RERE: variants seen among roughly 807,000 people sequenced by gnomAD.
RERE encodes arginine-glutamic acid dipeptide repeats.
In RERE, 40 loss-of-function variants were observed where a neutral mutation model predicts 146.1. The ratio of observed to expected loss-of-function variants is 0.27; its 90% confidence interval spans 0.21 to 0.36. RERE has a LOEUF of 0.36. Among genes scored for constraint, RERE ranks in the 10% least tolerant of loss-of-function variants. The pLI is 1.00. For synonymous variants in RERE, 1,003 were observed against 866.0 expected, an observed-to-expected ratio of 1.16 and a Z score of -2.78; for missense variants, 1,933 against 2,138.7, an observed-to-expected ratio of 0.90 and a Z score of 1.90.
At chr1:8,611,122 GA>G (rs1410393620) in intron 4 of RERE, among the ~76,000 whole-genome samples, 3 of 152,104 alleles carry the variant, frequency 2.0e-5, no homozygotes, top group Non-Finnish European at 4.4e-5. Context: ...TTGAACCCGG[GA>G]GGCGGAGGTT....
chr1:8,476,179 T>C (rs1191296407), intron 10 of RERE, among the ~76,000 whole-genome samples: 1 of 152,218 alleles, frequency 6.6e-6, no homozygotes, highest in African/African-American at 2.4e-5. Flanking sequence ...TAGGTCTTTA[T>C]GATTTCATCA....
intron 16 of RERE, among the ~76,000 whole-genome samples, chr1:8,362,296 C>T (rs1641609609): frequency 6.6e-6 from 1 of 152,190 alleles, no homozygotes; most frequent in African/African-American, 2.4e-5. Context: ...TGGTCACATG[C>T]AAACCATGTG....
At chr1:8,403,391 C>CT (rs201905934) in intron 12 of RERE, among the ~76,000 whole-genome samples, 2 of 150,026 alleles carry the variant, frequency 1.3e-5, no homozygotes, top group East Asian at 3.9e-4. Flanking sequence ...ACTTGTCCTT[C>CT]TTTTTTACAA....
intron 1 of RERE, among the ~76,000 whole-genome samples, chr1:8,751,848 C>T (rs945610286): frequency 2.8e-5 from 4 of 144,796 alleles, no homozygotes; most frequent in Admixed American, 7.0e-5. Flanking sequence ...ACAACAACAA[C>T]AAAGTAAATA....
At chr1:8,563,020 C>T (rs958858067) in intron 4 of RERE, among the ~76,000 whole-genome samples, 49 of 151,880 alleles carry the variant, frequency 3.2e-4, no homozygotes, top group Non-Finnish European at 5.4e-4. Context: ...AACTGACAAG[C>T]GGTAGACTAG....
intron 12 of RERE, among the ~76,000 whole-genome samples, chr1:8,402,860 G>A (rs564149578): frequency 6.6e-6 from 1 of 152,222 alleles, no homozygotes; most frequent in South Asian, 2.1e-4. Context: ...CCTGGGGGGC[G>A]CTGGTGCTGG....
chr1:8,493,505 C>T (rs992365248), intron 10 of RERE, among the ~76,000 whole-genome samples: 1 of 152,102 alleles, frequency 6.6e-6, no homozygotes, highest in Non-Finnish European at 1.5e-5. Context: ...TAAAAATCAG[C>T]CATATCACGC....
At chr1:8,802,622 A>G (rs1231585013) in intron 1 of RERE, among the ~76,000 whole-genome samples, 1 of 152,076 alleles carries the variant, frequency 6.6e-6, no homozygotes, top group Non-Finnish European at 1.5e-5. Context: ...TCTTTCTTAA[A>G]CCACAGTATC....
intron 11 of RERE, among the ~76,000 whole-genome samples, chr1:8,442,124 C>A (rs2124004045): frequency 6.6e-6 from 1 of 152,274 alleles, no homozygotes; most frequent in South Asian, 2.1e-4. Context: ...GTGGCTCACA[C>A]CTGTAATCCC....
At chr1:8,398,030 C>A (rs966959084) in intron 12 of RERE, among the ~76,000 whole-genome samples, 6 of 151,240 alleles carry the variant, frequency 4.0e-5, no homozygotes, top group Non-Finnish European at 1.5e-5. Flanking sequence ...CAATGCAGAG[C>A]CAGAGAAAGG....
intron 4 of RERE, among the ~76,000 whole-genome samples, chr1:8,584,211 A>G (rs182000293): frequency 6.6e-6 from 1 of 152,252 alleles, no homozygotes; most frequent in African/African-American, 2.4e-5. Context: ...AAACATTTAA[A>G]AGTCAAAAGA....
chr1:8,411,084 G>C (rs1643602487), intron 12 of RERE, among the ~76,000 whole-genome samples: 1 of 152,160 alleles, frequency 6.6e-6, no homozygotes, highest in Non-Finnish European at 1.5e-5. Flanking sequence ...AACTAGAACA[G>C]AGTACTGTAC....
chr1:8,403,197 A>G (rs1643323296), intron 12 of RERE, among the ~76,000 whole-genome samples: 1 of 151,558 alleles, frequency 6.6e-6, no homozygotes, highest in South Asian at 2.1e-4. Context: ...GCGCCCGGCC[A>G]ATGATCCAGT....
At chr1:8,699,470 A>G (rs899250725) in intron 1 of RERE, among the ~76,000 whole-genome samples, 5 of 152,222 alleles carry the variant, frequency 3.3e-5, no homozygotes, top group African/African-American at 1.2e-4. Flanking sequence ...TTTATTACAA[A>G]TATTTAAGTA....
chr1:8,500,476 T>A (rs1376166379), intron 8 of RERE, among the ~76,000 whole-genome samples: 4 of 152,182 alleles, frequency 2.6e-5, no homozygotes, highest in Non-Finnish European at 4.4e-5. Flanking sequence ...CCTCCCGAGG[T>A]GCTGGGATTG....
At chr1:8,537,664 T>C (rs1215270674) in intron 7 of RERE, among the ~76,000 whole-genome samples, 1 of 152,224 alleles carries the variant, frequency 6.6e-6, no homozygotes, top group East Asian at 1.9e-4. Context: ...TACCTAATAA[T>C]AACAAAGTAA....
At position 8,789,297 on chromosome 1, in the gene RERE, A is replaced by ATAT. The variant is rs1468727127; in HGVS notation, c.-145+27862_-145+27863insATA. ...TCCTCTCTACCAAAAAAAAAAAAAAAAAAAATATATATATATATATATATA... is the reference window on the plus strand; with the variant it reads ...TCCTCTCTACCAAAAAAAAAAAAAAATATAAAAATATATATATATATATATATA... On this transcript the variant is annotated intron_variant, in intron 1 of 22. Coordinates refer to ENST00000400908, the MANE Select transcript of RERE (RefSeq NM_001042681.2). Among the ~76,000 whole-genome samples the ATAT allele has an allele frequency of 3.3e-3, 209 of 64,058 alleles. 2 individuals carry two copies. Among genetic ancestry groups the ATAT allele is most frequent in the East Asian group, 8.4e-3 (17 of 2,018 alleles). The allele number at this position is 64,058 out of a possible 152,430, so 42.0% of individuals were successfully genotyped here.
intron 12 of RERE, among the ~76,000 whole-genome samples, chr1:8,392,397 T>C (rs930857400): frequency 2.0e-5 from 3 of 152,214 alleles, no homozygotes; most frequent in African/African-American, 7.2e-5. Context: ...ACCTGGAAAA[T>C]GAATATCTCT....
At chr1:8,543,921 T>G (rs1297033240) in intron 6 of RERE, among the ~76,000 whole-genome samples, 7 of 152,228 alleles carry the variant, frequency 4.6e-5, no homozygotes, top group African/African-American at 1.7e-4. Context: ...ATGTGAAAGG[T>G]ACTGACATTT....
Sources: gnomAD v4.1 joint callset for allele counts (sites outside exome capture counted in the v4.1 genomes callset) on GRCh38, gnomAD v4.1.1 for gene constraint, MANE v1.5 for transcripts, NCBI Gene and HGNC (gene_info 2026-07-23, HGNC 2026-07-21) for gene names.